Variants in CNTNAP2 observed in about 807,000 individuals in gnomAD.
CNTNAP2 encodes the protein contactin associated protein 2.
In CNTNAP2, 98 loss-of-function variants were observed where a neutral mutation model predicts 155.2. That is an observed-to-expected ratio of 0.63 (90% CI 0.54 to 0.75). The LOEUF is 0.75. CNTNAP2 is among the 30% of genes least tolerant of loss of function. CNTNAP2 has a pLI of 0.00. For missense variants in CNTNAP2, 1,727 were observed against 1,688.1 expected, an observed-to-expected ratio of 1.02 and a Z score of -0.40; for synonymous variants, 651 against 631.2, an observed-to-expected ratio of 1.03 and a Z score of -0.47.
At chr7:146,911,550 G>A (rs1395267007) in intron 3 of CNTNAP2, among the ~76,000 whole-genome samples, 2 of 150,714 alleles carry the variant, frequency 1.3e-5, no homozygotes, top group East Asian at 3.9e-4. Flanking sequence ...GTAAACTATT[G>A]CAAGAACAAA....
chr7:146,706,384 A>G (rs559126035), intron 1 of CNTNAP2, among the ~76,000 whole-genome samples: 91 of 152,272 alleles, frequency 6.0e-4, no homozygotes, highest in Non-Finnish European at 8.8e-4. Context: ...AGAAAATGCT[A>G]TGAAGAAAAA....
chr7:147,206,939 G>C (rs1230753977), intron 8 of CNTNAP2, among the ~76,000 whole-genome samples: 2 of 152,142 alleles, frequency 1.3e-5, no homozygotes, highest in Non-Finnish European at 2.9e-5. Context: ...GTGGAGCAAA[G>C]GTGACGGAAA....
At chr7:146,817,199 C>T (rs778225965) in intron 2 of CNTNAP2, among the ~76,000 whole-genome samples, 4 of 152,008 alleles carry the variant, frequency 2.6e-5, no homozygotes, top group Non-Finnish European at 4.4e-5. Flanking sequence ...GGGCCAGGTG[C>T]GGTGACTCAC....
chr7:148,262,898 A>G (rs1796589271), intron 20 of CNTNAP2, among the ~76,000 whole-genome samples: 2 of 152,162 alleles, frequency 1.3e-5, no homozygotes, highest in African/African-American at 4.8e-5. Flanking sequence ...TATGTTCGGC[A>G]GGGGGACAGC....
At chr7:147,909,154 A>G (rs1388979151) in intron 14 of CNTNAP2, among the ~76,000 whole-genome samples, 1 of 152,214 alleles carries the variant, frequency 6.6e-6, no homozygotes, top group African/African-American at 2.4e-5. Context: ...AAATTACAGT[A>G]GAAATGAGGA....
chr7:146,957,026 T>C (rs917658601), intron 3 of CNTNAP2, among the ~76,000 whole-genome samples: 4 of 152,160 alleles, frequency 2.6e-5, no homozygotes, highest in Non-Finnish European at 4.4e-5. Flanking sequence ...TGAACAGTCA[T>C]GTGTTTCTGA....
chr7:146,478,175 T>A (rs546653468), intron 1 of CNTNAP2, among the ~76,000 whole-genome samples: 20 of 151,936 alleles, frequency 1.3e-4, no homozygotes, highest in African/African-American at 4.6e-4. Context: ...AATTTTCCCC[T>A]TTAAGGACCC....
In CNTNAP2 at chr7:147,330,246, G is replaced by T. The variant is rs1795533205; in HGVS notation, c.1498+29956G>T. On this transcript the variant is annotated intron_variant, in intron 9 of 23. Coordinates refer to ENST00000361727, the MANE Select transcript of CNTNAP2 (RefSeq NM_014141.6). ...AAGCTTCTGAGTTGATGAACACACA[G>T]AGGTGCTAGGTTAGTGGCATCCCCA... Among the ~76,000 whole-genome samples, 3 of 152,230 alleles carry T rather than the reference G, an allele frequency of 2.0e-5. No individual in the cohort carries two copies. In the South Asian group the frequency reaches 6.2e-4, roughly 32 times the overall value.
chr7:147,739,287 T>C (rs570992113), intron 13 of CNTNAP2, among the ~76,000 whole-genome samples: 2 of 152,228 alleles, frequency 1.3e-5, no homozygotes, highest in East Asian at 3.9e-4. Flanking sequence ...TGTGTATGTG[T>C]GTGTTTGTGT....
chr7:146,164,148 C>A (rs1798275735), intron 1 of CNTNAP2, among the ~76,000 whole-genome samples: 1 of 152,158 alleles, frequency 6.6e-6, no homozygotes, highest in Admixed American at 6.6e-5. Context: ...ACTTTGCAGA[C>A]ATGTTATAGG....
intron 21 of CNTNAP2, among the ~76,000 whole-genome samples, chr7:148,301,308 T>A (rs868345790): frequency 0.014 from 1,579 of 111,542 alleles, 51 homozygotes; most frequent in African/African-American, 0.057. Context: ...AAAAAAAAAA[T>A]ATATATATAT....
intron 2 of CNTNAP2, among the ~76,000 whole-genome samples, chr7:146,808,126 T>C (rs1402735702): frequency 2.6e-5 from 4 of 152,216 alleles, no homozygotes; most frequent in Non-Finnish European, 5.9e-5. Flanking sequence ...TTAAGTTTCT[T>C]GCCATCTCTC....
At chr7:148,225,203 A>G (rs1264956249) in intron 19 of CNTNAP2, among the ~76,000 whole-genome samples, 1 of 152,194 alleles carries the variant, frequency 6.6e-6, no homozygotes, top group Admixed American at 6.5e-5. Flanking sequence ...AATTGGTACA[A>G]TCTATAGTAT....
At chr7:147,776,899 A>G (rs1035374998) in intron 13 of CNTNAP2, among the ~76,000 whole-genome samples, 4 of 151,278 alleles carry the variant, frequency 2.6e-5, no homozygotes, top group African/African-American at 9.7e-5. Flanking sequence ...CTTTTTATTA[A>G]TGCTTATAGT....
At chr7:146,698,818 A>AT (rs375202061) in intron 1 of CNTNAP2, among the ~76,000 whole-genome samples, 21 of 151,710 alleles carry the variant, frequency 1.4e-4, no homozygotes, top group Non-Finnish European at 2.7e-4. Flanking sequence ...CATATTTTTC[A>AT]TTTTTTTACT....
chr7:147,482,708 G>A (rs926498256), intron 10 of CNTNAP2, among the ~76,000 whole-genome samples: 18 of 141,158 alleles, frequency 1.3e-4, no homozygotes, highest in Admixed American at 1.1e-3. Context: ...GCGACTGAGC[G>A]AGATTCCGTC....
At chr7:147,056,145 T>C (rs1186407206) in intron 4 of CNTNAP2, among the ~76,000 whole-genome samples, 1 of 152,174 alleles carries the variant, frequency 6.6e-6, no homozygotes, top group Non-Finnish European at 1.5e-5. Flanking sequence ...TAAAATCCCA[T>C]ATAAAATTTT....
At chr7:147,338,741 AATTTT>A (rs1795706354) in intron 9 of CNTNAP2, among the ~76,000 whole-genome samples, 1 of 152,148 alleles carries the variant, frequency 6.6e-6, no homozygotes, top group Non-Finnish European at 1.5e-5. Context: ...AACTCCATAA[AATTTT>A]ATTTTTATTA....
At chr7:148,216,541 A>G (rs1433778979) in intron 18 of CNTNAP2, among the ~76,000 whole-genome samples, 6 of 152,158 alleles carry the variant, frequency 3.9e-5, no homozygotes, top group African/African-American at 9.7e-5. Flanking sequence ...GGATGCCCCT[A>G]TGGGTTCCCT....
Sources: gnomAD v4.1 joint callset for allele counts (sites outside exome capture counted in the v4.1 genomes callset) on GRCh38, gnomAD v4.1.1 for gene constraint, MANE v1.5 for transcripts, NCBI Gene and HGNC (gene_info 2026-07-23, HGNC 2026-07-21) for gene names.